The following GRAMD4 variants were observed in gnomAD, a reference collection of about 807,000 sequenced individuals.
The protein encoded by GRAMD4 is GRAM domain-containing protein 4.
A neutral mutation model predicts 83.9 loss-of-function variants in GRAMD4; 25 were observed. That is an observed-to-expected ratio of 0.30 (90% CI 0.22 to 0.42). The LOEUF (loss-of-function observed/expected upper bound fraction) is 0.42. Among genes scored for constraint, GRAMD4 ranks in the 10% least tolerant of loss-of-function variants. GRAMD4 has a pLI of 1.00. For synonymous variants in GRAMD4, 336 were observed against 320.9 expected (o/e 1.05, Z -0.50); for missense variants, 593 against 788.7 (o/e 0.75, Z 2.97).
At chr22:46,630,548 C>T (rs1328053305) in intron 2 of GRAMD4, among the ~76,000 whole-genome samples, 1 of 152,204 alleles carries the variant, frequency 6.6e-6, no homozygotes, top group Non-Finnish European at 1.5e-5. Context: ...CTGAGGGTTT[C>T]CCTGGAGGGG....
intron 1 of GRAMD4, among the ~76,000 whole-genome samples, chr22:46,606,866 G>A (rs920235322): frequency 6.6e-6 from 1 of 152,270 alleles, no homozygotes; most frequent in African/African-American, 2.4e-5. Context: ...CCTGCTTTCA[G>A]CTCTTTGGAT....
At chr22:46,660,356 A>G (rs1183175822) in intron 4 of GRAMD4, among the ~76,000 whole-genome samples, 1 of 152,108 alleles carries the variant, frequency 6.6e-6, no homozygotes. Flanking sequence ...GGAGGGGTGA[A>G]GGAAGAGCAG....
intron 2 of GRAMD4, among the ~76,000 whole-genome samples, chr22:46,635,148 C>CT (rs2081844149): frequency 7.1e-6 from 1 of 139,970 alleles, no homozygotes; most frequent in Non-Finnish European, 1.5e-5. Context: ...GTCCTCCCTG[C>CT]CTCCACCCCT....
At chr22:46,616,570 GGC>G (rs2081498998), upstream of GRAMD4, among the ~76,000 whole-genome samples, 2 of 134,650 alleles carry the variant, frequency 1.5e-5, no homozygotes, top group African/African-American at 2.9e-5. Flanking sequence ...CTGTGTGTGC[GGC>G]TTCCCCTGTG....
intron 1 of GRAMD4, among the ~76,000 whole-genome samples, chr22:46,614,849 CTTCCCCTGTGCATGTAGG>C (rs1569261066): frequency 7.0e-5 from 1 of 14,268 alleles, no homozygotes; most frequent in African/African-American, 1.8e-4. Flanking sequence ...GTGCTTGTAG[CTTCCCCTGTGCATGTAGG>C]TTCCCCTGTG....
At chr22:46,634,950 A>AC (rs1020768432) in intron 2 of GRAMD4, among the ~76,000 whole-genome samples, 2 of 152,024 alleles carry the variant, frequency 1.3e-5, no homozygotes, top group African/African-American at 4.8e-5. Context: ...CATCTCAAAA[A>AC]AAAAAAAAAG....
upstream of GRAMD4, chr22:46,620,243 A>G (rs2081554184): frequency 2.2e-6 from 2 of 909,800 alleles, no homozygotes; most frequent in African/African-American, 3.6e-5. The surrounding 1 kb of genome is among the most constrained non-coding windows in gnomAD (Gnocchi z 4.7). Flanking sequence ...CCAGAGCAGC[A>G]TGCTTTTGTG....
chr22:46,580,528 C>G (rs2081087341), intron 1 of GRAMD4, among the ~76,000 whole-genome samples: 1 of 152,194 alleles, frequency 6.6e-6, no homozygotes, highest in African/African-American at 2.4e-5. Flanking sequence ...CAGAGTGTCA[C>G]AGGCCTAACC....
chr22:46,627,915 C>T (rs765269029), intron 2 of GRAMD4, among the ~76,000 whole-genome samples: 8 of 152,170 alleles, frequency 5.3e-5, no homozygotes, highest in South Asian at 2.1e-4. Context: ...CTGCCGGGAT[C>T]GGCCATCCCC....
Position 46,677,468 on chromosome 22 carries a change from G to A in GRAMD4, c.*217G>A, listed in dbSNP as rs1433316195. ...GGGGTGCCCCTCTCCCACAGGGCACGTCAGGTGCCTCTGAGGGCCACCCGC... is the reference window on the plus strand; with the variant it reads ...GGGGTGCCCCTCTCCCACAGGGCACATCAGGTGCCTCTGAGGGCCACCCGC... On this transcript the variant is annotated 3_prime_UTR_variant, in exon 19 of 19. Coordinates refer to ENST00000406902, the MANE Select transcript of GRAMD4 (RefSeq NM_015124.5). 2.2e-5 allele frequency: 29 copies of A among 1,319,046 alleles called. No individual in the cohort carries two copies. The East Asian group carries it at 6.3e-4, about 29-fold the overall frequency. 81.7% of individuals were successfully genotyped at this position (1,319,046 alleles called of 1,614,324 possible).
rs1295761604 is a variant in GRAMD4 at position 46,679,210 on chromosome 22, T to C, written c.*1959T>C. 7.1e-6 allele frequency: 7 copies of C among 985,376 alleles called. No homozygotes were observed. The highest frequency in any genetic ancestry group is 8.4e-6 in the Non-Finnish European group (7 of 829,960). 61.0% of individuals were successfully genotyped at this position (985,376 alleles called of 1,614,324 possible). A position where few individuals can be genotyped will look rare whatever the true frequency, so the allele number is the denominator to read the frequency against. On this transcript the variant is annotated 3_prime_UTR_variant, in exon 19 of 19. Coordinates refer to ENST00000406902, the MANE Select transcript of GRAMD4 (RefSeq NM_015124.5). ...CTCGGGGCCAATGAGCGCCTCTTCC[T>C]AGGTGCTGGGATTCAGTCCCCAAAC...
intron 1 of GRAMD4, among the ~76,000 whole-genome samples, chr22:46,577,715 C>G (rs1312108964): frequency 6.6e-6 from 1 of 152,160 alleles, no homozygotes; most frequent in Non-Finnish European, 1.5e-5. Context: ...GGAGGGCGCC[C>G]CAGCCCCTGC....
chr22:46,653,646 G>T (rs372642293), intron 3 of GRAMD4, among the ~76,000 whole-genome samples: 3 of 152,214 alleles, frequency 2.0e-5, no homozygotes, highest in South Asian at 2.1e-4. Flanking sequence ...AGGAAGGGGC[G>T]TAGGGGGCAG....
chr22:46,623,650 C>T (rs2081610628), intron 1 of GRAMD4, among the ~76,000 whole-genome samples: 1 of 152,078 alleles, frequency 6.6e-6, no homozygotes, highest in Non-Finnish European at 1.5e-5. Flanking sequence ...CCCGCCCCGG[C>T]CTCCCAAAGT....
intron 1 of GRAMD4, among the ~76,000 whole-genome samples, chr22:46,578,450 G>A (rs963324248): frequency 3.9e-5 from 6 of 152,180 alleles, no homozygotes; most frequent in African/African-American, 1.4e-4. Context: ...CTAGCAAGTG[G>A]GCAGGGGCAG....
At chr22:46,640,978 C>A (rs546289834) in intron 3 of GRAMD4, among the ~76,000 whole-genome samples, 4 of 152,332 alleles carry the variant, frequency 2.6e-5, no homozygotes, top group African/African-American at 9.6e-5. Flanking sequence ...TCGTTAATAC[C>A]ATCAGCTGTC....
chr22:46,583,464 AG>A (rs1306068336), intron 1 of GRAMD4, among the ~76,000 whole-genome samples: 2 of 152,230 alleles, frequency 1.3e-5, no homozygotes, highest in Non-Finnish European at 2.9e-5. Context: ...GACTGCATCT[AG>A]GGTCCCAGAT....
intron 3 of GRAMD4, among the ~76,000 whole-genome samples, chr22:46,639,373 G>C (rs2081941003): frequency 6.6e-6 from 1 of 151,556 alleles, no homozygotes. Flanking sequence ...ACGTGCACGT[G>C]TGTGGTGGTT....
chr22:46,657,085 C>A (rs1569294421), intron 3 of GRAMD4, among the ~76,000 whole-genome samples: 1 of 152,216 alleles, frequency 6.6e-6, no homozygotes, highest in Non-Finnish European at 1.5e-5. Context: ...TGACCTTGGC[C>A]CTGGGGCCAC....
Sources: allele counts gnomAD v4.1 joint callset (sites outside exome capture counted in the v4.1 genomes callset), GRCh38; gene constraint gnomAD v4.1.1; non-coding constraint Gnocchi (gnomAD v3.1); transcripts MANE v1.5; gene names NCBI Gene and HGNC (gene_info 2026-07-23, HGNC 2026-07-21).